Variants in STT3B observed in about 807,000 individuals in gnomAD.
STT3B encodes the protein dolichyl-diphosphooligosaccharide--protein glycosyltransferase subunit STT3B.
In STT3B, 29 loss-of-function variants were observed where a neutral mutation model predicts 96.8. The observed-to-expected ratio is 0.30, with a 90% CI of 0.22 to 0.41. The LOEUF (loss-of-function observed/expected upper bound fraction) is 0.41, where lower values mean the gene tolerates loss of function less well. STT3B is among the 10% of genes least tolerant of loss of function. STT3B has a pLI of 1.00. For synonymous variants in STT3B, 367 were observed against 360.0 expected (o/e 1.02, Z -0.22); for missense variants, 640 against 1,022.3 (o/e 0.63, Z 5.10).
intron 1 of STT3B, among the ~76,000 whole-genome samples, chr3:31,554,222 A>C (rs1332190856): frequency 6.6e-6 from 1 of 152,202 alleles, no homozygotes; most frequent in Admixed American, 6.5e-5. Context: ...CTCCTTAAAA[A>C]AATGAAAACT....
chr3:31,580,265 C>T (rs1282894404), intron 3 of STT3B, among the ~76,000 whole-genome samples, 169 bp downstream of exon 3: 1 of 152,098 alleles, frequency 6.6e-6, no homozygotes, highest in East Asian at 1.9e-4. Flanking sequence ...ATATGTTAGG[C>T]ATCTCTCAAG....
intron 1 of STT3B, 88 bp from the exon 2 acceptor site, chr3:31,576,308 C>A: frequency 3.5e-6 from 2 of 564,318 alleles, no homozygotes; most frequent in Non-Finnish European, 2.9e-6. Flanking sequence ...CTGAAAGATA[C>A]ATTTATGTAG....
chr3:31,551,313 T>C (rs1697553271), intron 1 of STT3B, among the ~76,000 whole-genome samples: 1 of 152,124 alleles, frequency 6.6e-6, no homozygotes, highest in Non-Finnish European at 1.5e-5. Flanking sequence ...CCTCCCAGGC[T>C]CAAATGATCC....
intron 1 of STT3B, among the ~76,000 whole-genome samples, chr3:31,575,815 A>T (rs918382363): frequency 6.6e-6 from 1 of 152,032 alleles, no homozygotes; most frequent in Non-Finnish European, 1.5e-5. Flanking sequence ...GCTTTATACT[A>T]AACATGGAAT....
At chr3:31,573,544 C>T (rs1698203736) in intron 1 of STT3B, among the ~76,000 whole-genome samples, 1 of 152,106 alleles carries the variant, frequency 6.6e-6, no homozygotes, top group Non-Finnish European at 1.5e-5. Context: ...AAGGAACTTT[C>T]AAAAATGACA....
chr3:31,623,680 A>G lies in STT3B; in HGVS notation c.1546A>G (p.Lys516Glu), dbSNP rs1406624964. Reference sequence around the variant, plus strand: ...ATTTTTTTAATATCTTTAGGCAGGTAAAGTGAGGAAACATGCAACTGAACA... The same window carrying G: ...ATTTTTTTAATATCTTTAGGCAGGTGAAGTGAGGAAACATGCAACTGAACA... Reference protein sequence around the residue: ...NQGNLYDKAGKVRKHATEQEK... With the variant: ...NQGNLYDKAGEVRKHATEQEK... Residue 516 changes from lysine to glutamate, a missense_variant, in exon 11 of 16, where the codon AAA becomes GAA. Around this residue, in one of 8 missense-constraint regions of STT3B, gnomAD observed 149 missense variants for 250.2 expected, o/e 0.60. Transcript: ENST00000295770. The G allele has an allele frequency of 1.2e-6, 2 of 1,608,030 alleles. No individual in the cohort carries two copies. Among genetic ancestry groups the G allele is most frequent in the African/African-American group, 2.7e-5 (2 of 74,918 alleles).
rs751300317 is a variant in STT3B at position 31,623,852 on chromosome 3, A to G, written c.1718A>G (p.Asn573Ser). The change falls in exon 11 of 16, where the codon AAT (asparagine) becomes AGT (serine). Residue 573 changes from asparagine (N) to serine (S), a missense_variant. Physicochemically the swap from Asn to Ser is conservative, Grantham distance 46. Transcript: ENST00000295770. Reference sequence around the variant, plus strand: ...CCAAGTGTAGTCCTGGCCTCATACAATCATGATGGGTAAGAAAATAACTCG... The same window carrying G: ...CCAAGTGTAGTCCTGGCCTCATACAGTCATGATGGGTAAGAAAATAACTCG... ...SSPSVVLASYNHDGTRNILDD... is the reference protein window; with the variant it reads ...SSPSVVLASYSHDGTRNILDD... 1.9e-6 allele frequency: 3 copies of G among 1,593,944 alleles called. No homozygotes were observed. The highest frequency in any genetic ancestry group is 1.7e-5 in the Admixed American group (1 of 58,086).
In STT3B at chr3:31,626,082, C is replaced by G. The variant is rs1699530786; in HGVS notation, c.2028C>G (p.Leu676=). 6.2e-7 allele frequency: 1 copy of G among 1,613,674 alleles called. No individual in the cohort carries two copies. ...GYSGDDINKF[L]WMVRIAEGEH... ...CTGGTGATGATATCAACAAATTTCT[C>G]TGGATGGTTAGGATAGCTGAAGGAG... Residue 676 remains leucine (L), a synonymous_variant, in exon 13 of 16, where the codon CTC becomes CTG. Coordinates refer to ENST00000295770, the MANE Select transcript of STT3B (RefSeq NM_178862.3).
At chr3:31,586,844 T>G (rs1399081742) in intron 3 of STT3B, among the ~76,000 whole-genome samples, 1 of 152,106 alleles carries the variant, frequency 6.6e-6, no homozygotes, top group Non-Finnish European at 1.5e-5. Context: ...TAATTTGGCT[T>G]TTTTTAGCTG....
rs1380466159 is a variant in STT3B at position 31,624,992 on chromosome 3, G to T, written c.1806G>T (p.Met602Ile). ...ATACAGATGAACATGCACGAGTAATGTCTTGGTGGGATTATGGCTATCAGA... is the reference window on the plus strand; with the variant it reads ...ATACAGATGAACATGCACGAGTAATTTCTTGGTGGGATTATGGCTATCAGA... ...RQNTDEHARV[M>I]SWWDYGYQIA... The change falls in exon 12 of 16, where the codon ATG (methionine) becomes ATT (isoleucine). Residue 602 changes from methionine to isoleucine, a missense_variant. Physicochemically the swap from Met to Ile is conservative, Grantham distance 10. This residue lies in a region of STT3B where 149 missense variants were observed against 250.2 expected (regional missense o/e 0.60). Coordinates refer to ENST00000295770, the MANE Select transcript of STT3B (RefSeq NM_178862.3). 2 of 1,613,754 alleles carry T rather than the reference G, an allele frequency of 1.2e-6. No homozygotes were observed. Among genetic ancestry groups the T allele is most frequent in the South Asian group, 2.2e-5 (2 of 91,064 alleles).
chr3:31,534,401 T>C (rs1697032946), intron 1 of STT3B, among the ~76,000 whole-genome samples: 2 of 152,206 alleles, frequency 1.3e-5, no homozygotes, highest in Admixed American at 6.5e-5. Context: ...GTTAGGATTT[T>C]TCCCCCTGAG....
intron 2 of STT3B, among the ~76,000 whole-genome samples, chr3:31,577,173 T>G (rs1431962302): frequency 6.6e-6 from 1 of 152,152 alleles, no homozygotes; most frequent in Non-Finnish European, 1.5e-5. Flanking sequence ...GTTGATTACT[T>G]CTAGCATAGG....
Position 31,618,257 on chromosome 3 carries a change from C to T in STT3B, c.1172+269C>T, listed in dbSNP as rs549120793. Among the ~76,000 whole-genome samples the T allele has an allele frequency of 5.6e-5, 8 of 143,474 alleles. No homozygotes were observed. In the East Asian group the frequency reaches 8.2e-4, roughly 15 times the overall value. The allele number at this position is 143,474 out of a possible 152,430, so 94.1% of individuals were successfully genotyped here. Reference sequence around the variant, plus strand: ...TTGTTTGTAAGAATATTTAGGTTACCTTTGTGCAATTTAAAGATTGATTTG... The same window carrying T: ...TTGTTTGTAAGAATATTTAGGTTACTTTTGTGCAATTTAAAGATTGATTTG... On this transcript the variant is annotated intron_variant, in intron 8 of 15. Transcript: ENST00000295770.
At chr3:31,601,807 T>TAAAAA (rs2125464205) in intron 5 of STT3B, among the ~76,000 whole-genome samples, 2 of 152,322 alleles carry the variant, frequency 1.3e-5, no homozygotes, top group Non-Finnish European at 2.9e-5. Context: ...CATAGTATAT[T>TAAAAA]ACATTTATAG....
chr3:31,548,738 C>G (rs951820701), intron 1 of STT3B, among the ~76,000 whole-genome samples: 5 of 152,250 alleles, frequency 3.3e-5, no homozygotes, highest in Admixed American at 6.5e-5. Flanking sequence ...GAACCTTCCC[C>G]CCTTTGAGGG....
intron 1 of STT3B, among the ~76,000 whole-genome samples, chr3:31,548,397 A>G (rs968739695): frequency 2.6e-5 from 4 of 152,148 alleles, no homozygotes; most frequent in East Asian, 1.9e-4. Context: ...CTGTTTTACA[A>G]ATGACTCATT....
At chr3:31,534,828 C>CT (rs1697046471) in intron 1 of STT3B, among the ~76,000 whole-genome samples, 1 of 151,976 alleles carries the variant, frequency 6.6e-6, no homozygotes, top group African/African-American at 2.4e-5. Context: ...AAAAAATAAC[C>CT]TTTTTGTTAA....
chr3:31,536,692 AT>A (rs1326314490), intron 1 of STT3B, among the ~76,000 whole-genome samples: 3 of 152,196 alleles, frequency 2.0e-5, no homozygotes, highest in Non-Finnish European at 4.4e-5. Context: ...CTTTTTTAAC[AT>A]TTAGCAACAT....
At chr3:31,535,445 C>T (rs1697065785) in intron 1 of STT3B, among the ~76,000 whole-genome samples, 1 of 151,098 alleles carries the variant, frequency 6.6e-6, no homozygotes, top group South Asian at 2.1e-4. Context: ...ATGTTTTGGT[C>T]GGGCGCGGTG....
Sources: allele counts gnomAD v4.1 joint callset (sites outside exome capture counted in the v4.1 genomes callset), GRCh38; gene constraint gnomAD v4.1.1; regional missense constraint gnomAD v4.1.1; transcripts MANE v1.5; gene names NCBI Gene and HGNC (gene_info 2026-07-23, HGNC 2026-07-21).